Variants in SNAP91 observed in about 807,000 individuals in gnomAD.
SNAP91 encodes synaptosome associated protein 91.
In SNAP91, 27 loss-of-function variants were observed where a neutral mutation model predicts 100.3. The ratio of observed to expected loss-of-function variants is 0.27; its 90% CI spans 0.20 to 0.37. SNAP91 has a LOEUF of 0.37. Among genes scored for constraint, SNAP91 ranks in the 10% least tolerant of loss-of-function variants. SNAP91 has a pLI of 1.00. For missense variants in SNAP91, 986 were observed against 1,123.7 expected (o/e 0.88, Z 1.75); for synonymous variants, 404 against 398.6 (o/e 1.01, Z -0.16).
intron 12 of SNAP91, among the ~76,000 whole-genome samples, chr6:83,608,498 C>T (rs975579105): frequency 1.4e-4 from 21 of 152,136 alleles, no homozygotes; most frequent in African/African-American, 4.8e-4. Flanking sequence ...ATATTTAATT[C>T]TCCATTCATT....
chr6:83,641,183 C>A lies in SNAP91; in HGVS notation c.678G>T (p.Lys226Asn). The stretch of plus-strand genomic sequence containing the variant: ...CTAGAGCATCTTTACATTGTCCTTT[C>A]TTCATTTCAAAAAACTTTTCTAGAG... ...INLLEKFFEM[K>N]KGQCKDALEI... Residue 226 changes from lysine (K) to asparagine (N), a missense_variant, in exon 8 of 30, where the codon AAG becomes AAT. Coordinates refer to ENST00000369694, the MANE Select transcript of SNAP91 (RefSeq NM_001242792.2). The A allele has an allele frequency of 6.7e-7, 1 of 1,484,762 alleles. No individual in the cohort carries two copies. Among genetic ancestry groups the A allele is most frequent in the South Asian group, 1.4e-5 (1 of 73,318 alleles). 92.0% of individuals were successfully genotyped at this position (1,484,762 alleles called of 1,614,324 possible). A position where few individuals can be genotyped will look rare whatever the true frequency, so the allele number is the denominator to read the frequency against.
intron 8 of SNAP91, 33 bp downstream of exon 8, chr6:83,641,063 A>G (rs761410136): frequency 8.2e-7 from 1 of 1,226,276 alleles, no homozygotes; most frequent in Non-Finnish European, 1.1e-6. Flanking sequence ...TATTTAAAAA[A>G]TTATATTCCC....
intron 14 of SNAP91, among the ~76,000 whole-genome samples, chr6:83,602,208 T>G (rs2095300379): frequency 6.6e-6 from 1 of 152,208 alleles, no homozygotes; most frequent in Admixed American, 6.5e-5. Context: ...ATCACCAGCC[T>G]GTAGAAATGC....
intron 8 of SNAP91, among the ~76,000 whole-genome samples, chr6:83,630,813 G>C (rs2097177110): frequency 1.3e-5 from 2 of 149,346 alleles, no homozygotes; most frequent in Admixed American, 1.3e-4. Flanking sequence ...TTTATCTTCT[G>C]TATTGTTTTT....
chr6:83,646,792 T>G (rs954281184), intron 7 of SNAP91, among the ~76,000 whole-genome samples: 1 of 152,204 alleles, frequency 6.6e-6, no homozygotes, highest in Non-Finnish European at 1.5e-5. Flanking sequence ...AACTGACATA[T>G]TCACAGTATT....
intron 28 of SNAP91, among the ~76,000 whole-genome samples, chr6:83,557,911 C>T (rs1380872208): frequency 6.6e-6 from 1 of 151,430 alleles, no homozygotes; most frequent in Non-Finnish European, 1.5e-5. Context: ...GCTACAAACT[C>T]ACATTTATTT....
chr6:83,563,726 T>A (rs976227655), intron 26 of SNAP91, among the ~76,000 whole-genome samples: 2 of 152,068 alleles, frequency 1.3e-5, no homozygotes, highest in African/African-American at 2.4e-5. Context: ...CAATGAATAA[T>A]CGAAAAATTT....
At chr6:83,681,141 T>C (rs1183007409) in intron 2 of SNAP91, among the ~76,000 whole-genome samples, 1 of 152,180 alleles carries the variant, frequency 6.6e-6, no homozygotes, top group African/African-American at 2.4e-5. Context: ...TAGGTTGAAT[T>C]ATATGAAATT....
At chr6:83,655,858 T>C (rs2098391368) in intron 7 of SNAP91, among the ~76,000 whole-genome samples, 1 of 152,286 alleles carries the variant, frequency 6.6e-6, no homozygotes, top group South Asian at 2.1e-4. Flanking sequence ...ACCCATGGAC[T>C]CTGGGGGAGT....
In SNAP91 at chr6:83,569,573, C is replaced by G. The variant is rs992578596; in HGVS notation, c.2442+5437G>C. On this transcript the variant is annotated intron_variant, in intron 26 of 29. Coordinates refer to ENST00000369694, the MANE Select transcript of SNAP91 (RefSeq NM_001242792.2). ...TTTTAAAGTGCTTTTCCCTTGTTCCCTTCTGGGTTAGTGGCCTCATTATTT... is the reference window on the plus strand; with the variant it reads ...TTTTAAAGTGCTTTTCCCTTGTTCCGTTCTGGGTTAGTGGCCTCATTATTT... Among the ~76,000 whole-genome samples the G allele has an allele frequency of 2.6e-5, 4 of 152,270 alleles. No individual in the cohort carries two copies. In the East Asian group the frequency reaches 7.7e-4, roughly 29 times the overall value.
At chr6:83,646,187 C>T in intron 7 of SNAP91, among the ~76,000 whole-genome samples, 1 of 152,122 alleles carries the variant, frequency 6.6e-6, no homozygotes. Context: ...TACTCTTTTT[C>T]TTGACACTGT....
chr6:83,683,288 C>T (rs2099017256), intron 2 of SNAP91, among the ~76,000 whole-genome samples: 1 of 152,078 alleles, frequency 6.6e-6, no homozygotes, highest in Non-Finnish European at 1.5e-5. Context: ...GTAAGTGATA[C>T]AGTTTTGATA....
intron 7 of SNAP91, among the ~76,000 whole-genome samples, chr6:83,649,442 G>C (rs184076637): frequency 6.6e-6 from 1 of 152,318 alleles, no homozygotes; most frequent in African/African-American, 2.4e-5. Context: ...AAGAACTAGT[G>C]AGGAAGAAAT....
At chr6:83,622,966 G>A (rs907830078) in intron 9 of SNAP91, among the ~76,000 whole-genome samples, 5 of 152,104 alleles carry the variant, frequency 3.3e-5, no homozygotes, top group South Asian at 2.1e-4. Context: ...TGATTATCAG[G>A]CCTAGAAATA....
chr6:83,567,673 A>G (rs1030860337), intron 26 of SNAP91, among the ~76,000 whole-genome samples: 3 of 152,230 alleles, frequency 2.0e-5, no homozygotes, highest in African/African-American at 7.2e-5. Context: ...AAACAACCCC[A>G]TCAAAAAGTG....
At chr6:83,623,125 C>A (rs1244304455) in intron 9 of SNAP91, among the ~76,000 whole-genome samples, 176 bp downstream of exon 9, 2 of 152,106 alleles carry the variant, frequency 1.3e-5, no homozygotes, top group African/African-American at 4.8e-5. Flanking sequence ...CTTCCTATTA[C>A]CTCCAGAAAT....
At chr6:83,667,890 G>C (rs536664122) in intron 2 of SNAP91, among the ~76,000 whole-genome samples, 1 of 152,242 alleles carries the variant, frequency 6.6e-6, no homozygotes, top group East Asian at 1.9e-4. Flanking sequence ...AGAGTGGACA[G>C]GCAACCTACA....
intron 17 of SNAP91, 82 bp downstream of exon 17, chr6:83,594,292 A>C: frequency 9.4e-7 from 1 of 1,061,016 alleles, no homozygotes; most frequent in Non-Finnish European, 1.4e-6. Context: ...GTAAAATTAG[A>C]AAAACATATG....
chr6:83,604,819 C>G (rs1324256098), intron 14 of SNAP91, among the ~76,000 whole-genome samples: 1 of 152,076 alleles, frequency 6.6e-6, no homozygotes, highest in African/African-American at 2.4e-5. Context: ...TTTAAAATAC[C>G]TATAAATACT....
Sources: gnomAD v4.1 joint callset for allele counts (sites outside exome capture counted in the v4.1 genomes callset) on GRCh38, gnomAD v4.1.1 for gene constraint, MANE v1.5 for transcripts, NCBI Gene and HGNC (gene_info 2026-07-23, HGNC 2026-07-21) for gene names.